LGSN: variants seen among roughly 807,000 people sequenced by gnomAD.
The protein encoded by LGSN is lengsin, lens protein with glutamine synthetase domain, also known as lengsin.
A neutral mutation model predicts 19.5 loss-of-function variants in LGSN; 21 were observed. The ratio of observed to expected loss-of-function variants is 1.07; its 90% confidence interval spans 0.76 to 1.55. The LOEUF (loss-of-function observed/expected upper bound fraction) is 1.55, where lower values mean the gene tolerates loss of function less well. Ranked by LOEUF, LGSN falls within the 40% of genes most tolerant of loss-of-function variation. LGSN has a pLI of 0.00. For missense variants in LGSN, 673 were observed against 608.5 expected, an observed-to-expected ratio of 1.11 and a Z score of -1.12; for synonymous variants, 257 against 215.6, an observed-to-expected ratio of 1.19 and a Z score of -1.68.
chr6:63,338,175 C>T, the LGSN span, among the ~76,000 whole-genome samples: 59 of 152,200 alleles, frequency 3.9e-4, no homozygotes, highest in African/African-American at 1.3e-3. Flanking sequence ...CATGAGCCAC[C>T]GTGCCCAGCC....
chr6:63,287,199 C>CT (rs1337486248), intron 2 of LGSN, among the ~76,000 whole-genome samples: 1 of 152,166 alleles, frequency 6.6e-6, no homozygotes, highest in Non-Finnish European at 1.5e-5. Flanking sequence ...TGATAATGTG[C>CT]TATCACTGAT....
the LGSN span, among the ~76,000 whole-genome samples, chr6:63,421,003 C>T: frequency 1.3e-5 from 2 of 151,832 alleles, no homozygotes. Flanking sequence ...ACAAAAAGCT[C>T]AGTGGATGAA....
the LGSN span, among the ~76,000 whole-genome samples, chr6:63,449,739 G>A: frequency 4.6e-5 from 7 of 152,124 alleles, no homozygotes; most frequent in South Asian, 2.1e-4. Context: ...TTTTTCAGTC[G>A]TAGGTAGTTT....
chr6:63,446,790 C>T, the LGSN span, among the ~76,000 whole-genome samples: 1 of 152,220 alleles, frequency 6.6e-6, no homozygotes, highest in East Asian at 1.9e-4. Flanking sequence ...TGGCTCATGC[C>T]TGTAATCCCA....
At chr6:63,308,080 T>C (rs1009849665) in intron 1 of LGSN, among the ~76,000 whole-genome samples, 27 of 152,196 alleles carry the variant, frequency 1.8e-4, no homozygotes, top group African/African-American at 6.3e-4. Flanking sequence ...GGAAGAATCA[T>C]GAGCGTAAGT....
chr6:63,453,687 TC>T, the LGSN span, among the ~76,000 whole-genome samples: 11 of 152,206 alleles, frequency 7.2e-5, no homozygotes, highest in African/African-American at 2.7e-4. Context: ...AGAGTCTCGC[TC>T]TGTTGCCCAG....
At chr6:63,298,805 A>T (rs1407621267) in intron 1 of LGSN, among the ~76,000 whole-genome samples, 1 of 152,224 alleles carries the variant, frequency 6.6e-6, no homozygotes, top group Non-Finnish European at 1.5e-5. Context: ...AGGCTCCCAA[A>T]TTAGGCATAT....
chr6:63,336,453 C>A, the LGSN span, among the ~76,000 whole-genome samples: 1 of 151,760 alleles, frequency 6.6e-6, no homozygotes, highest in Non-Finnish European at 1.5e-5. Flanking sequence ...ACTAGTTTCA[C>A]ACATGCCTTC....
At chr6:63,313,314 G>A (rs1422944876) in intron 1 of LGSN, among the ~76,000 whole-genome samples, 2 of 151,942 alleles carry the variant, frequency 1.3e-5, no homozygotes, top group African/African-American at 4.8e-5. Flanking sequence ...CAGTCACGGT[G>A]GAAGCATGTG....
the LGSN span, among the ~76,000 whole-genome samples, chr6:63,367,911 G>T: frequency 4.6e-5 from 7 of 151,474 alleles, no homozygotes; most frequent in African/African-American, 1.7e-4. Context: ...TGGACACAGG[G>T]TGGGTAACAT....
chr6:63,473,476 A>G, the LGSN span, among the ~76,000 whole-genome samples: 6 of 145,546 alleles, frequency 4.1e-5, no homozygotes, highest in Non-Finnish European at 9.2e-5. Flanking sequence ...TCTGTCTAAA[A>G]AAAAAAAAAA....
intron 1 of LGSN, among the ~76,000 whole-genome samples, chr6:63,305,090 C>A (rs1364410731): frequency 8.5e-5 from 13 of 152,092 alleles, no homozygotes; most frequent in Admixed American, 7.9e-4. Context: ...CATGCTAATA[C>A]AACATAATCA....
At chr6:63,442,308 A>G in the LGSN span, among the ~76,000 whole-genome samples, 2 of 152,184 alleles carry the variant, frequency 1.3e-5, no homozygotes, top group Non-Finnish European at 2.9e-5. Flanking sequence ...CAGAGAAAGA[A>G]CAAAGCTTCC....
the LGSN span, among the ~76,000 whole-genome samples, chr6:63,477,255 A>G: frequency 6.6e-6 from 1 of 152,224 alleles, no homozygotes; most frequent in Non-Finnish European, 1.5e-5. Context: ...GCTTTGTTAC[A>G]TGCTGTTCTA....
At chr6:63,390,450 A>C in the LGSN span, among the ~76,000 whole-genome samples, 1 of 151,498 alleles carries the variant, frequency 6.6e-6, no homozygotes, top group Non-Finnish European at 1.5e-5. Flanking sequence ...ATTTTGATCA[A>C]CTATTATTTT....
At chr6:63,437,831 G>A in the LGSN span, among the ~76,000 whole-genome samples, 1 of 152,120 alleles carries the variant, frequency 6.6e-6, no homozygotes, top group Admixed American at 6.6e-5. Flanking sequence ...TTGGGAGGCT[G>A]AGGCAGGAGA....
At chr6:63,391,374 T>C in the LGSN span, among the ~76,000 whole-genome samples, 1 of 152,220 alleles carries the variant, frequency 6.6e-6, no homozygotes, top group African/African-American at 2.4e-5. Flanking sequence ...ATACACAATG[T>C]AGAGGACTGA....
the LGSN span, among the ~76,000 whole-genome samples, chr6:63,364,003 G>A: frequency 6.6e-6 from 1 of 152,152 alleles, no homozygotes; most frequent in Non-Finnish European, 1.5e-5. Context: ...ATCGATGCTA[G>A]GAAGAAACTG....
At chr6:63,563,329 T>C in the LGSN span, among the ~76,000 whole-genome samples, 4 of 152,222 alleles carry the variant, frequency 2.6e-5, no homozygotes, top group Non-Finnish European at 4.4e-5. Flanking sequence ...TTCCTTCCCT[T>C]GTATTGCTGC....
Sources: gnomAD v4.1 joint callset for allele counts (sites outside exome capture counted in the v4.1 genomes callset) on GRCh38, gnomAD v4.1.1 for gene constraint, MANE v1.5 for transcripts, NCBI Gene and HGNC (gene_info 2026-07-23, HGNC 2026-07-21) for gene names.